SENP1: variants seen among roughly 807,000 people sequenced by gnomAD.
SENP1 encodes SUMO specific peptidase 1, also known as sentrin-specific protease 1.
A neutral mutation model predicts 93.0 loss-of-function variants in SENP1; 21 were observed. That is an observed-to-expected ratio of 0.23 (90% CI 0.16 to 0.33). The LOEUF (loss-of-function observed/expected upper bound fraction) is 0.33, where lower values mean the gene tolerates loss of function less well. Ranked by LOEUF, SENP1 falls within the 10% of genes least tolerant of loss-of-function variation. The pLI is 1.00. For missense variants in SENP1, 591 were observed against 758.7 expected (o/e 0.78, Z 2.60); for synonymous variants, 256 against 259.6 (o/e 0.99, Z 0.13).
At chr12:48,105,644 G>C in intron 1 of SENP1, 1 of 429,556 alleles carries the variant, frequency 2.3e-6, no homozygotes, top group Non-Finnish European at 4.4e-6. Context: ...GAGCTTCCCG[G>C]TGAAAACAGC....
At chr12:48,104,979 A>G (rs998204657) in intron 1 of SENP1, among the ~76,000 whole-genome samples, 10 of 152,236 alleles carry the variant, frequency 6.6e-5, no homozygotes, top group Admixed American at 6.5e-4. Flanking sequence ...AGAGATGCTT[A>G]AAGTTGCGCT....
chr12:48,062,182 T>C (rs1943001375), intron 13 of SENP1, among the ~76,000 whole-genome samples: 1 of 152,164 alleles, frequency 6.6e-6, no homozygotes, highest in South Asian at 2.1e-4. Context: ...AGGTTTTCCA[T>C]GATTTACAAC....
chr12:48,093,856 C>T (rs1233661435), intron 4 of SENP1, among the ~76,000 whole-genome samples: 1 of 152,056 alleles, frequency 6.6e-6, no homozygotes, highest in Non-Finnish European at 1.5e-5. Flanking sequence ...GTCCCAGCTA[C>T]TCAGGGGGCT....
intron 2 of SENP1, among the ~76,000 whole-genome samples, chr12:48,098,885 T>C (rs922950069): frequency 2.0e-5 from 3 of 152,084 alleles, no homozygotes; most frequent in South Asian, 2.1e-4. Flanking sequence ...CCCTCTTTCA[T>C]AGCTAACCAA....
rs895923878 is a variant in SENP1, at chr12:48,065,010, G to T, written c.1275+55C>A. Reference sequence around the variant, plus strand: ...TTTTATGTTTGAAACTCATCCGAGGGATTCTTTCTAAACATGATACTTAGT... The same window carrying T: ...TTTTATGTTTGAAACTCATCCGAGGTATTCTTTCTAAACATGATACTTAGT... On this transcript the variant is annotated intron_variant, in intron 12 of 17. Coordinates refer to ENST00000549518, the MANE Select transcript of SENP1 (RefSeq NM_001267594.2). 14 of 1,277,486 alleles carry T rather than the reference G, an allele frequency of 1.1e-5. No individual in the cohort carries two copies. The Admixed American group carries it at 1.4e-4, about 13-fold the overall frequency. 79.1% of individuals were successfully genotyped at this position (1,277,486 alleles called of 1,614,324 possible). A position where few individuals can be genotyped will look rare whatever the true frequency, so the allele number is the denominator to read the frequency against.
intron 4 of SENP1, among the ~76,000 whole-genome samples, chr12:48,094,609 G>A (rs1474998383): frequency 6.6e-6 from 1 of 152,134 alleles, no homozygotes; most frequent in Admixed American, 6.5e-5. Flanking sequence ...GAACCCAGGA[G>A]GCGGAGGTTG....
intron 12 of SENP1, 98 bp downstream of exon 12, chr12:48,064,967 G>A (rs568620868): frequency 3.3e-5 from 29 of 870,560 alleles, no homozygotes; most frequent in Middle Eastern, 3.6e-4. Flanking sequence ...GTGAGCCACC[G>A]TGCCTGACCA....
rs768525101 is a variant in SENP1, at chr12:48,074,732, T to G, written c.614A>C (p.Gln205Pro). 7 of 1,613,678 alleles carry G rather than the reference T, an allele frequency of 4.3e-6. No homozygotes were observed. The East Asian group carries it at 1.1e-4, about 26-fold the overall frequency. Reference protein sequence around the residue: ...RQLLQMVTGKQFTIAKPTTHF... With the variant: ...RQLLQMVTGKPFTIAKPTTHF... ...TGTGGTGGGTTTGGCTATAGTAAACTGTTTCCCTGTGACCATCTGTAGCAG... is the reference window on the plus strand; with the variant it reads ...TGTGGTGGGTTTGGCTATAGTAAACGGTTTCCCTGTGACCATCTGTAGCAG... The change falls in exon 7 of 18, where the codon CAG (glutamine) becomes CCG (proline). Residue 205 changes from glutamine to proline, a missense_variant. Gln to Pro is a moderately conservative substitution (Grantham distance 76). Around this residue, in one of 4 missense-constraint regions of SENP1, gnomAD observed 214 missense variants for 243.4 expected, o/e 0.88. Transcript: ENST00000549518.
chr12:48,065,723 A>C, intron 10 of SENP1, 43 bp from the exon 11 acceptor site: 70 of 1,226,438 alleles, frequency 5.7e-5, no homozygotes, highest in Middle Eastern at 1.9e-4. Context: ...GACCACTCTC[A>C]TTATGAAACA....
chr12:48,072,839 T>C (rs1175586535), intron 8 of SENP1, among the ~76,000 whole-genome samples: 3 of 152,130 alleles, frequency 2.0e-5, no homozygotes, highest in Non-Finnish European at 4.4e-5. Flanking sequence ...ATGGTATATA[T>C]AGTATACTCT....
chr12:48,092,310 T>A (rs971999831), intron 4 of SENP1, among the ~76,000 whole-genome samples: 12 of 152,198 alleles, frequency 7.9e-5, no homozygotes, highest in African/African-American at 2.9e-4. Context: ...ACCACTGCAA[T>A]CGATGTGGGG....
intron 6 of SENP1, among the ~76,000 whole-genome samples, chr12:48,078,388 T>TAC (rs1321675213): frequency 7.2e-6 from 1 of 138,826 alleles, no homozygotes; most frequent in Non-Finnish European, 1.6e-5. Context: ...CTTATACATA[T>TAC]ACACACACAT....
chr12:48,106,079 CA>C (rs1264268342), upstream of SENP1: 1 of 702,568 alleles, frequency 1.4e-6, no homozygotes. Context: ...GCGCGGAACG[CA>C]AAACCCGGGA....
At chr12:48,073,183 T>A (rs1386200470) in intron 8 of SENP1, among the ~76,000 whole-genome samples, 2 of 152,196 alleles carry the variant, frequency 1.3e-5, no homozygotes, top group Admixed American at 6.5e-5. Context: ...GGAAAGTAAT[T>A]AAACAGTGCA....
intron 4 of SENP1, among the ~76,000 whole-genome samples, chr12:48,094,487 C>A (rs1053075338): frequency 6.6e-6 from 1 of 152,124 alleles, no homozygotes. Flanking sequence ...CGAGAACAAC[C>A]TGGCCAACAT....
intron 12 of SENP1, 64 bp downstream of exon 12, chr12:48,065,001 C>A (rs1186240884): frequency 1.7e-6 from 2 of 1,204,626 alleles, no homozygotes; most frequent in Middle Eastern, 2.7e-4. Flanking sequence ...GTTTGAAACT[C>A]ATCCGAGGGA....
Position 48,104,286 on chromosome 12 carries a change from G to T in SENP1, c.-45+1742C>A, listed in dbSNP as rs1329005974. On this transcript the variant is annotated intron_variant, in intron 1 of 17. Coordinates refer to ENST00000549518, the MANE Select transcript of SENP1 (RefSeq NM_001267594.2). Reference sequence around the variant, plus strand: ...GGGGGGGGGGGGGCGGAGGGAGGGAGAGAGAGAGAGAGAGAGACGCAATGT... The same window carrying T: ...GGGGGGGGGGGGGCGGAGGGAGGGATAGAGAGAGAGAGAGAGACGCAATGT... Among the ~76,000 whole-genome samples, 77 of 126,898 alleles carry T rather than the reference G, an allele frequency of 6.1e-4. 2 individuals carry two copies. Among genetic ancestry groups the T allele is most frequent in the African/African-American group, 2.0e-3 (69 of 34,084 alleles). 83.3% of individuals were successfully genotyped at this position (126,898 alleles called of 152,430 possible).
chr12:48,080,877 T>C (rs187067315), intron 6 of SENP1, among the ~76,000 whole-genome samples: 1 of 152,334 alleles, frequency 6.6e-6, no homozygotes, highest in East Asian at 1.9e-4. Flanking sequence ...AATAGATTCT[T>C]AGCATCTTCT....
At chr12:48,053,670 T>C (rs945949246) in intron 13 of SENP1, among the ~76,000 whole-genome samples, 1 of 152,174 alleles carries the variant, frequency 6.6e-6, no homozygotes, top group South Asian at 2.1e-4. Context: ...AGCTGAGAGA[T>C]ATCTCTTTCT....
Sources: allele counts gnomAD v4.1 joint callset (sites outside exome capture counted in the v4.1 genomes callset), GRCh38; gene constraint gnomAD v4.1.1; regional missense constraint gnomAD v4.1.1; transcripts MANE v1.5; gene names NCBI Gene and HGNC (gene_info 2026-07-23, HGNC 2026-07-21).